The following JMJD1C variants were observed in gnomAD, a reference collection of about 807,000 sequenced individuals.
JMJD1C encodes jumonji domain-containing protein 1C.
In JMJD1C, 31 loss-of-function variants were observed where a neutral mutation model predicts 245.3. The ratio of observed to expected loss-of-function variants is 0.13; its 90% confidence interval spans 0.09 to 0.17. The LOEUF (loss-of-function observed/expected upper bound fraction) is 0.17. JMJD1C is among the 10% of genes least tolerant of loss of function. The pLI, the probability that JMJD1C is intolerant of heterozygous loss-of-function variation, is 1.00. For synonymous variants in JMJD1C, 1,057 were observed against 1,017.4 expected (o/e 1.04, Z -0.74); for missense variants, 2,691 against 3,000.2 (o/e 0.90, Z 2.41).
chr10:63,453,832 A>T (rs1952228885), intron 1 of JMJD1C, among the ~76,000 whole-genome samples: 1 of 152,174 alleles, frequency 6.6e-6, no homozygotes, highest in South Asian at 2.1e-4. Flanking sequence ...TCCGCCTCCT[A>T]GGTTCAAGCG....
chr10:63,276,160 C>A (rs1223248918), intron 2 of JMJD1C, among the ~76,000 whole-genome samples: 1 of 151,950 alleles, frequency 6.6e-6, no homozygotes, highest in Non-Finnish European at 1.5e-5. Flanking sequence ...ATGGCATTGC[C>A]AAGACATTAG....
At chr10:63,509,551 G>C (rs886329800) in intron 1 of JMJD1C, among the ~76,000 whole-genome samples, 2 of 152,136 alleles carry the variant, frequency 1.3e-5, no homozygotes, top group Non-Finnish European at 2.9e-5. Flanking sequence ...CTTTCTGTTT[G>C]GGAAGATTAT....
intron 12 of JMJD1C, 68 bp from the exon 13 acceptor site, chr10:63,197,631 A>C: frequency 7.2e-7 from 1 of 1,386,922 alleles, no homozygotes; most frequent in Non-Finnish European, 9.6e-7. Flanking sequence ...TTTGGCTGAA[A>C]TACAGAAGAA....
intron 3 of JMJD1C, among the ~76,000 whole-genome samples, chr10:63,248,605 A>G (rs1044221700): frequency 1.2e-4 from 18 of 152,072 alleles, no homozygotes; most frequent in Non-Finnish European, 1.8e-4. Flanking sequence ...AATATGTGGG[A>G]AAAGGGGAAC....
intron 1 of JMJD1C, among the ~76,000 whole-genome samples, chr10:63,509,664 T>C (rs561946043): frequency 1.1e-4 from 17 of 152,234 alleles, no homozygotes; most frequent in Non-Finnish European, 2.2e-4. Context: ...AACTGGTCCA[T>C]TTCATCTAGG....
At chr10:63,340,439 C>A (rs1004916241) in intron 2 of JMJD1C, among the ~76,000 whole-genome samples, 2 of 152,282 alleles carry the variant, frequency 1.3e-5, no homozygotes, top group Admixed American at 1.3e-4. Flanking sequence ...TTTACTTATT[C>A]TCTGCTCTGT....
chr10:63,367,884 T>C lies in JMJD1C; in HGVS notation c.333+12434A>G, dbSNP rs373047013. Reference sequence around the variant, plus strand: ...AATAAGAATGTCTGAATGTACTTTATGTACAGTAGTGTGTCTCCTTCACCT... The same window carrying C: ...AATAAGAATGTCTGAATGTACTTTACGTACAGTAGTGTGTCTCCTTCACCT... On this transcript the variant is annotated intron_variant, in intron 2 of 25. Coordinates refer to ENST00000399262, the MANE Select transcript of JMJD1C (RefSeq NM_032776.3). Among the ~76,000 whole-genome samples the C allele has an allele frequency of 2.6e-5, 4 of 152,364 alleles. No homozygotes were observed. The East Asian group carries it at 5.8e-4, about 22-fold the overall frequency.
At chr10:63,481,321 A>G (rs1953821909) in intron 1 of JMJD1C, among the ~76,000 whole-genome samples, 1 of 152,238 alleles carries the variant, frequency 6.6e-6, no homozygotes, top group Admixed American at 6.5e-5. Context: ...CGGTGATATT[A>G]ACAGAATATG....
At chr10:63,322,131 C>CT (rs968090197) in intron 2 of JMJD1C, among the ~76,000 whole-genome samples, 3 of 152,150 alleles carry the variant, frequency 2.0e-5, no homozygotes, top group Admixed American at 2.0e-4. Flanking sequence ...CCTGGCTATT[C>CT]TTTTTTTCCT....
intron 2 of JMJD1C, among the ~76,000 whole-genome samples, chr10:63,291,923 A>C (rs1159344277): frequency 6.6e-6 from 1 of 151,936 alleles, no homozygotes; most frequent in Non-Finnish European, 1.5e-5. Flanking sequence ...AGACATGAGA[A>C]ATGTGTGTGT....
intron 1 of JMJD1C, among the ~76,000 whole-genome samples, chr10:63,406,193 G>C (rs1168060951): frequency 1.3e-5 from 2 of 152,122 alleles, no homozygotes; most frequent in Non-Finnish European, 2.9e-5. Context: ...GGAAAAGGTA[G>C]AAGAAACATA....
At chr10:63,244,816 A>AG (rs1851957032) in intron 3 of JMJD1C, among the ~76,000 whole-genome samples, 1 of 97,658 alleles carries the variant, frequency 1.0e-5, no homozygotes, top group Non-Finnish European at 1.9e-5. Context: ...CTTAAAAAAA[A>AG]AGGGGGGGGG....
chr10:63,242,193 C>T (rs574605743), intron 3 of JMJD1C, among the ~76,000 whole-genome samples: 9 of 152,228 alleles, frequency 5.9e-5, no homozygotes, highest in African/African-American at 2.2e-4. Flanking sequence ...TACCAAAATA[C>T]ATGGATGTCA....
chr10:63,389,909 A>C (rs1947920009), intron 1 of JMJD1C, among the ~76,000 whole-genome samples: 1 of 152,198 alleles, frequency 6.6e-6, no homozygotes, highest in Admixed American at 6.6e-5. Context: ...CTAAGATGGA[A>C]GTTCATAATT....
intron 1 of JMJD1C, among the ~76,000 whole-genome samples, chr10:63,388,583 A>T (rs1471441648): frequency 6.6e-6 from 1 of 152,158 alleles, no homozygotes; most frequent in African/African-American, 2.4e-5. Context: ...AGGAAGAGAA[A>T]AGCCTCAAAC....
At chr10:63,170,915 A>C (rs1032979961) in intron 24 of JMJD1C, among the ~76,000 whole-genome samples, 1 of 152,200 alleles carries the variant, frequency 6.6e-6, no homozygotes, top group African/African-American at 2.4e-5. Context: ...ACTTGCCTAA[A>C]AGCATCAGTT....
chr10:63,402,005 A>T (rs1012597979), intron 1 of JMJD1C, among the ~76,000 whole-genome samples: 1 of 151,960 alleles, frequency 6.6e-6, no homozygotes, highest in South Asian at 2.1e-4. Context: ...GTGGTGGTGC[A>T]TGCCTGTAAT....
At chr10:63,501,952 A>T (rs1480562774) in intron 1 of JMJD1C, among the ~76,000 whole-genome samples, 1 of 152,224 alleles carries the variant, frequency 6.6e-6, no homozygotes, top group Non-Finnish European at 1.5e-5. Flanking sequence ...TCATTTTGGT[A>T]TTTAAAATAC....
rs1427720067 is a variant in JMJD1C, at chr10:63,380,404, C to G, written c.247G>C (p.Val83Leu). Reference protein sequence around the residue: ...KVYEDFSTFLVEYHLIWAKRN... With the variant: ...KVYEDFSTFLLEYHLIWAKRN... ...TTGGCCCAGATTAAGTGGTATTCCA[C>G]CAAGAAAGTTGAAAAATCTTCATAA... Residue 83 changes from valine (V) to leucine (L), a missense_variant, in exon 2 of 26, where the codon GTG becomes CTG. Val to Leu is a conservative substitution (Grantham distance 32). Transcript: ENST00000399262. 1 of 1,613,914 alleles carries G rather than the reference C, an allele frequency of 6.2e-7. No individual in the cohort carries two copies. Among genetic ancestry groups the G allele is most frequent in the Non-Finnish European group, 8.5e-7 (1 of 1,179,984 alleles).
Sources: gnomAD v4.1 joint callset for allele counts (sites outside exome capture counted in the v4.1 genomes callset) on GRCh38, gnomAD v4.1.1 for gene constraint, MANE v1.5 for transcripts, NCBI Gene and HGNC (gene_info 2026-07-23, HGNC 2026-07-21) for gene names.